Variants in HLCS observed in about 807,000 individuals in gnomAD.
HLCS encodes holocarboxylase synthetase, also known as biotin--protein ligase.
HLCS carries 53 observed loss-of-function variants against 75.0 expected under a neutral mutation model. The ratio of observed to expected loss-of-function variants is 0.71; its 90% CI spans 0.57 to 0.89. The LOEUF (loss-of-function observed/expected upper bound fraction) is 0.89. HLCS is among the 40% of genes least tolerant of loss of function. The pLI, the probability that HLCS is intolerant of heterozygous loss-of-function variation, is 0.00. For synonymous variants in HLCS, 431 were observed against 428.6 expected, an observed-to-expected ratio of 1.01 and a Z score of -0.07; for missense variants, 966 against 1,074.0, an observed-to-expected ratio of 0.90 and a Z score of 1.41.
chr21:36,771,764 C>T (rs1293785126), intron 6 of HLCS, among the ~76,000 whole-genome samples: 6 of 152,030 alleles, frequency 3.9e-5, no homozygotes, highest in South Asian at 2.1e-4. Context: ...TTTGGGAGGC[C>T]GAGACGGGCA....
intron 2 of HLCS, among the ~76,000 whole-genome samples, chr21:36,950,970 T>G (rs2067643933): frequency 6.6e-6 from 1 of 152,180 alleles, no homozygotes; most frequent in Non-Finnish European, 1.5e-5. Flanking sequence ...CAGGGAAGGC[T>G]GATGCAGCAG....
chr21:36,989,584 CTCGCGAAGT>C (rs1319277550), intron 1 of HLCS, among the ~76,000 whole-genome samples: 1 of 152,166 alleles, frequency 6.6e-6, no homozygotes, highest in Non-Finnish European at 1.5e-5. Context: ...CTGCCTCGGC[CTCGCGAAGT>C]GCTGAGATTA....
intron 6 of HLCS, among the ~76,000 whole-genome samples, chr21:36,803,316 T>C (rs990756850): frequency 1.3e-5 from 2 of 152,250 alleles, no homozygotes; most frequent in Non-Finnish European, 2.9e-5. Context: ...TCCTTCTCCA[T>C]GGTCTCTGCC....
chr21:36,904,240 C>G (rs2065356470), intron 5 of HLCS, among the ~76,000 whole-genome samples: 1 of 152,136 alleles, frequency 6.6e-6, no homozygotes, highest in South Asian at 2.1e-4. Context: ...ACCTGACTTG[C>G]CAAATTTAAT....
At chr21:36,801,312 T>C (rs966590137) in intron 6 of HLCS, among the ~76,000 whole-genome samples, 1 of 152,170 alleles carries the variant, frequency 6.6e-6, no homozygotes, top group South Asian at 2.1e-4. Flanking sequence ...GTTGCCTCTA[T>C]CCTGTGATAT....
At chr21:36,805,452 A>C (rs2061334168) in intron 6 of HLCS, among the ~76,000 whole-genome samples, 1 of 152,144 alleles carries the variant, frequency 6.6e-6, no homozygotes, top group African/African-American at 2.4e-5. Context: ...TGACCTCCCC[A>C]GCTCTGCGGC....
chr21:36,897,830 G>A (rs2065074034), intron 5 of HLCS, among the ~76,000 whole-genome samples: 1 of 152,172 alleles, frequency 6.6e-6, no homozygotes, highest in South Asian at 2.1e-4. Context: ...CAAGGCTGGA[G>A]GAGGTTCCCC....
At chr21:36,914,366 C>T (rs1490696113) in intron 5 of HLCS, among the ~76,000 whole-genome samples, 1 of 152,204 alleles carries the variant, frequency 6.6e-6, no homozygotes, top group African/African-American at 2.4e-5. Context: ...GGCTATCTAA[C>T]CCCCAGGAAT....
rs139976142 is a variant in HLCS at position 36,791,167 on chromosome 21, G to A, written c.1893-23882C>T. 1.8e-4 allele frequency among the ~76,000 whole-genome samples: 27 copies of A among 152,202 alleles called. No individual in the cohort carries two copies. In the East Asian group the frequency reaches 3.7e-3, roughly 21 times the overall value. On this transcript the variant is annotated intron_variant, in intron 6 of 10. Coordinates refer to ENST00000674895, the MANE Select transcript of HLCS (RefSeq NM_001352514.2). ...CGTGCCTCAGGTAACCCTAAGAAGC[G>A]TCCTCTGTTGTAAAAACAATTCAAA...
At chr21:36,891,513 G>A (rs1279027790) in intron 6 of HLCS, among the ~76,000 whole-genome samples, 3 of 152,162 alleles carry the variant, frequency 2.0e-5, no homozygotes, top group African/African-American at 7.2e-5. Context: ...GGAGGAGATG[G>A]GCAGAGGATC....
intron 6 of HLCS, among the ~76,000 whole-genome samples, chr21:36,804,780 T>C (rs1297923271): frequency 2.0e-5 from 3 of 152,196 alleles, no homozygotes; most frequent in Non-Finnish European, 4.4e-5. Flanking sequence ...TAAAACGGTA[T>C]AAAACATCTA....
chr21:36,874,388 C>T (rs1008664342), intron 6 of HLCS, among the ~76,000 whole-genome samples: 3 of 145,444 alleles, frequency 2.1e-5, no homozygotes, highest in Admixed American at 6.9e-5. Flanking sequence ...AGCGACAGAG[C>T]GAGACTCCGT....
intron 6 of HLCS, among the ~76,000 whole-genome samples, chr21:36,867,826 C>T (rs1231953044): frequency 6.6e-6 from 1 of 152,122 alleles, no homozygotes; most frequent in Non-Finnish European, 1.5e-5. Flanking sequence ...ATCTTTTATC[C>T]CAACATAGAA....
intron 6 of HLCS, among the ~76,000 whole-genome samples, chr21:36,782,695 G>A (rs2060569743): frequency 6.6e-6 from 1 of 152,166 alleles, no homozygotes; most frequent in Admixed American, 6.5e-5. Context: ...CAGGCCAGGT[G>A]CAGTGGCTCA....
At chr21:36,961,151 A>C (rs1271276546) in intron 2 of HLCS, among the ~76,000 whole-genome samples, 1 of 152,190 alleles carries the variant, frequency 6.6e-6, no homozygotes, top group East Asian at 1.9e-4. Context: ...GAATACAAAC[A>C]CAACTCATTT....
At chr21:36,923,802 C>G (rs537626494) in intron 5 of HLCS, among the ~76,000 whole-genome samples, 2 of 152,262 alleles carry the variant, frequency 1.3e-5, no homozygotes, top group Admixed American at 6.5e-5. Context: ...ATCATGTCAC[C>G]TTTTGCCATG....
intron 6 of HLCS, among the ~76,000 whole-genome samples, chr21:36,864,382 A>G (rs1052811813): frequency 1.3e-5 from 2 of 151,964 alleles, no homozygotes; most frequent in African/African-American, 4.8e-5. Flanking sequence ...CCTGGGCAAC[A>G]AAGACTACGT....
intron 5 of HLCS, among the ~76,000 whole-genome samples, chr21:36,909,153 C>T (rs1224162559): frequency 4.6e-5 from 7 of 151,890 alleles, no homozygotes; most frequent in Admixed American, 1.3e-4. Context: ...GCCTAGATCG[C>T]GCCACTGCAC....
At chr21:36,882,235 T>C (rs901529536) in intron 6 of HLCS, among the ~76,000 whole-genome samples, 2 of 151,670 alleles carry the variant, frequency 1.3e-5, no homozygotes, top group African/African-American at 4.8e-5. Flanking sequence ...TGAGCCAGGA[T>C]TGTGCCACTG....
Sources: gnomAD v4.1 joint callset for allele counts (sites outside exome capture counted in the v4.1 genomes callset) on GRCh38, gnomAD v4.1.1 for gene constraint, MANE v1.5 for transcripts, NCBI Gene and HGNC (gene_info 2026-07-23, HGNC 2026-07-21) for gene names.